TMEM132B: variants seen among roughly 807,000 people sequenced by gnomAD.
TMEM132B encodes transmembrane protein 132B.
Under a neutral mutation model 90.8 loss-of-function variants are expected in TMEM132B, and 18 were observed. The observed-to-expected ratio is 0.20, with a 90% CI of 0.14 to 0.29. TMEM132B has a LOEUF of 0.29. Ranked by LOEUF, TMEM132B falls within the 10% of genes least tolerant of loss-of-function variation. The probability of loss-of-function intolerance (pLI) is 1.00; values close to 1 mark genes in which losing one functional copy is unlikely to be tolerated. For synonymous variants in TMEM132B, 504 were observed against 523.3 expected, an observed-to-expected ratio of 0.96 and a Z score of 0.50; for missense variants, 1,096 against 1,326.8, an observed-to-expected ratio of 0.83 and a Z score of 2.70.
intron 5 of TMEM132B, among the ~76,000 whole-genome samples, chr12:125,623,938 C>G (rs1886171331): frequency 6.6e-6 from 1 of 152,194 alleles, no homozygotes; most frequent in Non-Finnish European, 1.5e-5. Context: ...CCTCTGAGTT[C>G]TCATTCAGTG....
chr12:125,196,174 T>G (rs1872921283), intron 1 of TMEM132B, among the ~76,000 whole-genome samples: 1 of 152,168 alleles, frequency 6.6e-6, no homozygotes, highest in Non-Finnish European at 1.5e-5. Context: ...TATTCTGAAA[T>G]TTGAGCCACA....
At position 125,232,127 on chromosome 12, in the gene TMEM132B, C is replaced by T. The variant is rs956508146; in HGVS notation, c.67+45261C>T. On this transcript the variant is annotated intron_variant, in intron 1 of 8. Coordinates refer to ENST00000682704, the MANE Select transcript of TMEM132B (RefSeq NM_001366854.1). ...TTTGTAATAGCTGTGTAGTGGTCATCGTCTTCATATATTATAATTTATTTT... is the reference window on the plus strand; with the variant it reads ...TTTGTAATAGCTGTGTAGTGGTCATTGTCTTCATATATTATAATTTATTTT... Among the ~76,000 whole-genome samples the T allele has an allele frequency of 2.6e-5, 4 of 152,032 alleles. No individual in the cohort carries two copies. In the East Asian group the frequency reaches 5.8e-4, roughly 22 times the overall value.
chr12:125,450,740 G>A (rs1272160134), intron 3 of TMEM132B, among the ~76,000 whole-genome samples: 2 of 152,066 alleles, frequency 1.3e-5, no homozygotes, highest in African/African-American at 4.8e-5. Context: ...TAATTATAAG[G>A]GGAAAAAATA....
intron 4 of TMEM132B, among the ~76,000 whole-genome samples, chr12:125,545,327 T>G (rs11611939): frequency 0.055 from 8,368 of 152,266 alleles, 316 homozygotes; most frequent in Non-Finnish European, 0.083. Flanking sequence ...TTCTGTACAG[T>G]AGGAAGGGCC....
rs112475840 is a variant in TMEM132B, at chr12:125,492,165, G to T, written c.1107-27274G>T. Among the ~76,000 whole-genome samples, 4,498 of 152,216 alleles carry T rather than the reference G, an allele frequency of 0.03. 123 individuals carry two copies. Among genetic ancestry groups the T allele is most frequent in the African/African-American group, 0.072 (3,006 of 41,528 alleles). On this transcript the variant is annotated intron_variant, in intron 3 of 8. Transcript: ENST00000682704. The surrounding 1 kb of genome is among the most constrained non-coding windows in gnomAD (Gnocchi z 5.8). Reference sequence around the variant, plus strand: ...GAGTGCCCTGCTGCCCGCCCCCACCGCTCCTCACCTTGCAGAAATGGGGTA... The same window carrying T: ...GAGTGCCCTGCTGCCCGCCCCCACCTCTCCTCACCTTGCAGAAATGGGGTA...
intron 1 of TMEM132B, among the ~76,000 whole-genome samples, chr12:125,282,700 T>C (rs1008573863): frequency 2.0e-5 from 3 of 152,212 alleles, no homozygotes; most frequent in Non-Finnish European, 4.4e-5. Flanking sequence ...GTGCTGCTGC[T>C]TGGGGATGTG....
At chr12:125,386,561 A>AT (rs1235933869) in intron 2 of TMEM132B, among the ~76,000 whole-genome samples, 1 of 152,062 alleles carries the variant, frequency 6.6e-6, no homozygotes, top group Non-Finnish European at 1.5e-5. Flanking sequence ...GGTTTGTTGC[A>AT]TTTTTTCTTC....
intron 3 of TMEM132B, among the ~76,000 whole-genome samples, chr12:125,469,699 A>G (rs1360167739): frequency 6.6e-6 from 1 of 152,166 alleles, no homozygotes; most frequent in Non-Finnish European, 1.5e-5. Context: ...ATTTTGTGCC[A>G]TTTCAGGAGA....
intron 1 of TMEM132B, among the ~76,000 whole-genome samples, chr12:125,280,916 G>C (rs1225582094): frequency 6.6e-6 from 1 of 152,248 alleles, no homozygotes; most frequent in Non-Finnish European, 1.5e-5. Context: ...ATCAAAGGCA[G>C]AAGTGAGAAA....
intron 5 of TMEM132B, among the ~76,000 whole-genome samples, chr12:125,608,759 A>T (rs1336473229): frequency 6.6e-6 from 1 of 152,210 alleles, no homozygotes; most frequent in Non-Finnish European, 1.5e-5. Context: ...TTGAATAAAG[A>T]TAACTTCATT....
chr12:125,583,797 T>C lies in TMEM132B; in HGVS notation c.1294-54T>C, dbSNP rs1885113185. On this transcript the variant is annotated intron_variant, in intron 4 of 8. Coordinates refer to ENST00000682704, the MANE Select transcript of TMEM132B (RefSeq NM_001366854.1). ...AGCTTGGTGGACACCCCTCTCCTGC[T>C]CGCCCCTGTGGTATGCACGTTTGCT... is the stretch of plus-strand genomic sequence containing the variant. 5 of 1,598,134 alleles carry C rather than the reference T, an allele frequency of 3.1e-6. No individual in the cohort carries two copies. The East Asian group carries it at 1.1e-4, about 36-fold the overall frequency.
rs540332894 is a variant in TMEM132B at position 125,583,719 on chromosome 12, T to C, written c.1294-132T>C. On this transcript the variant is annotated intron_variant, in intron 4 of 8. Coordinates refer to ENST00000682704, the MANE Select transcript of TMEM132B (RefSeq NM_001366854.1). The stretch of plus-strand genomic sequence containing the variant: ...TCCATTTTGTGTGAGCTTTGTGGCT[T>C]TGTCCCTTCAGACAACTGTCTAAAT... 14 of 1,087,426 alleles carry C rather than the reference T, an allele frequency of 1.3e-5. No homozygotes were observed. In the South Asian group the frequency reaches 1.4e-4, roughly 11 times the overall value. The allele number at this position is 1,087,426 out of a possible 1,614,324, so 67.4% of individuals were successfully genotyped here.
intron 1 of TMEM132B, among the ~76,000 whole-genome samples, chr12:125,279,478 A>G (rs1185829166): frequency 6.6e-6 from 1 of 152,212 alleles, no homozygotes; most frequent in Non-Finnish European, 1.5e-5. Flanking sequence ...AGAGGGGTCT[A>G]TGTGACTAGT....
At chr12:125,244,048 C>T (rs947371964) in intron 1 of TMEM132B, among the ~76,000 whole-genome samples, 27 of 152,118 alleles carry the variant, frequency 1.8e-4, no homozygotes, top group African/African-American at 4.8e-5. Context: ...TTTCACTTAG[C>T]GTGATGTTTT....
In TMEM132B at chr12:125,642,845, C is replaced by A. The variant is rs763621158; in HGVS notation, c.1438-1231C>A. Among the ~76,000 whole-genome samples the A allele has an allele frequency of 7.9e-5, 12 of 152,316 alleles. No individual in the cohort carries two copies. The South Asian group carries it at 1.4e-3, about 18-fold the overall frequency. On this transcript the variant is annotated intron_variant, in intron 5 of 8. Coordinates refer to ENST00000682704, the MANE Select transcript of TMEM132B (RefSeq NM_001366854.1). ...TCTTAAGTGTCCCATTAGCTATTTT[C>A]TCCTTGGTTTCCATGTCAAGCTACA...
intron 2 of TMEM132B, among the ~76,000 whole-genome samples, chr12:125,412,766 C>T (rs1879889364): frequency 6.6e-6 from 1 of 152,142 alleles, no homozygotes; most frequent in African/African-American, 2.4e-5. Flanking sequence ...ACATTCTCTG[C>T]AGTTTGCCCC....
chr12:125,507,931 C>T (rs528504437), intron 3 of TMEM132B, among the ~76,000 whole-genome samples: 4 of 152,166 alleles, frequency 2.6e-5, no homozygotes, highest in Admixed American at 2.0e-4. Context: ...TGCAGTCGCC[C>T]CGGCAAGAGA....
rs148435193 is a variant in TMEM132B at position 125,213,789 on chromosome 12, T to G, written c.67+26923T>G. Among the ~76,000 whole-genome samples, 30 of 152,364 alleles carry G rather than the reference T, an allele frequency of 2.0e-4. No homozygotes were observed. In the East Asian group the frequency reaches 5.6e-3, roughly 28 times the overall value. On this transcript the variant is annotated intron_variant, in intron 1 of 8. Coordinates refer to ENST00000682704, the MANE Select transcript of TMEM132B (RefSeq NM_001366854.1). The surrounding 1 kb of genome is among the most constrained non-coding windows in gnomAD (Gnocchi z 4.2). Reference sequence around the variant, plus strand: ...ACCTTGCTTATTCATCCACCTGTACTCCTAGCATCAAGGGAGGTTCCTTGT... The same window carrying G: ...ACCTTGCTTATTCATCCACCTGTACGCCTAGCATCAAGGGAGGTTCCTTGT...
Position 125,644,184 on chromosome 12 carries a change from A to T in TMEM132B, c.1546A>T (p.Thr516Ser), listed in dbSNP as rs771847337. The T allele has an allele frequency of 3.1e-6, 5 of 1,614,092 alleles. No homozygotes were observed. Among genetic ancestry groups the T allele is most frequent in the Non-Finnish European group, 3.4e-6 (4 of 1,180,050 alleles). ...HQHFTSQFEV[T>S]VWAPRLPLQI... ...GCACTTCACCTCCCAGTTCGAGGTC[A>T]CTGTCTGGGCACCCAGGCTCCCCCT... The change falls in exon 6 of 9, where the codon ACT (threonine) becomes TCT (serine). Residue 516 changes from threonine (T) to serine (S), a missense_variant. By Grantham distance (58) the Thr-to-Ser change is moderately conservative (BLOSUM62 1). Coordinates refer to ENST00000682704, the MANE Select transcript of TMEM132B (RefSeq NM_001366854.1).
Sources: allele counts gnomAD v4.1 joint callset (sites outside exome capture counted in the v4.1 genomes callset), GRCh38; gene constraint gnomAD v4.1.1; non-coding constraint Gnocchi (gnomAD v3.1); transcripts MANE v1.5; gene names NCBI Gene and HGNC (gene_info 2026-07-23, HGNC 2026-07-21).